Variants in SUN1 observed in about 807,000 individuals in gnomAD.
The protein encoded by SUN1 is Sad1 and UNC84 domain containing 1, also known as SUN domain-containing protein 1.
In SUN1, 61 loss-of-function variants were observed where a neutral mutation model predicts 103.2. The observed-to-expected ratio is 0.59, with a 90% confidence interval of 0.48 to 0.73. The LOEUF (loss-of-function observed/expected upper bound fraction) is 0.73. SUN1 is among the 30% of genes least tolerant of loss of function. The pLI is 0.00. For missense variants in SUN1, 1,052 were observed against 1,034.6 expected (o/e 1.02, Z -0.23); for synonymous variants, 490 against 425.7 (o/e 1.15, Z -1.86).
chr7:860,159 T>A lies in SUN1; in HGVS notation c.1556T>A (p.Leu519His). 1.2e-6 allele frequency: 2 copies of A among 1,614,178 alleles called. No individual in the cohort carries two copies. The highest frequency in any genetic ancestry group is 1.7e-6 in the Non-Finnish European group (2 of 1,180,028). ...GTGCAAGTCAGAGAAATGGTGAAAC[T>A]CCTGTTTTCCGAAGATCAGCAAGGC... ...VDVQVREMVK[L>H]LFSEDQQGGS... The change falls in exon 14 of 19, where the codon CTC becomes CAC. Residue 519 changes from leucine (L) to histidine (H), a missense_variant. Leu to His is a moderately conservative substitution (Grantham distance 99). Around this residue, in one of 2 missense-constraint regions of SUN1, gnomAD observed 846 missense variants for 774.5 expected, o/e 1.09. Transcript: ENST00000401592.
In SUN1 at chr7:851,430, G is replaced by A; in HGVS notation, c.705G>A (p.Gln235=). ...TGCGCAGGATCGGAGCTGTGGGCCAGGCTGTGTCCAGGACGGCGTGGTCGG... is the reference window on the plus strand; with the variant it reads ...TGCGCAGGATCGGAGCTGTGGGCCAAGCTGTGTCCAGGACGGCGTGGTCGG... ...QILRRIGAVG[Q]AVSRTAWSAL... is the part of the protein sequence containing the mutation. The change falls in exon 6 of 19, where the codon CAG becomes CAA. Residue 235 remains glutamine, a synonymous_variant. Transcript: ENST00000401592. The A allele has an allele frequency of 6.2e-7, 1 of 1,610,770 alleles. No homozygotes were observed. Among genetic ancestry groups the A allele is most frequent in the Non-Finnish European group, 8.5e-7 (1 of 1,178,580 alleles).
intron 15 of SUN1, among the ~76,000 whole-genome samples, chr7:865,659 C>T (rs1314147436): frequency 2.0e-5 from 3 of 152,140 alleles, no homozygotes; most frequent in Non-Finnish European, 2.9e-5. Context: ...TCTTGGGGAC[C>T]TCCAAACCAC....
At chr7:834,690 C>CACTT (rs1311767747) in intron 1 of SUN1, among the ~76,000 whole-genome samples, 2 of 152,230 alleles carry the variant, frequency 1.3e-5, no homozygotes, top group East Asian at 3.8e-4. Flanking sequence ...CTGTCTCCAT[C>CACTT]ACTACCCTTG....
intron 1 of SUN1, among the ~76,000 whole-genome samples, chr7:822,781 T>C (rs1787501289): frequency 6.6e-6 from 1 of 152,200 alleles, no homozygotes; most frequent in South Asian, 2.1e-4. Flanking sequence ...GCAGCTGACA[T>C]ACCTGTTCCG....
intron 2 of SUN1, among the ~76,000 whole-genome samples, chr7:839,886 G>A (rs1161137496): frequency 6.6e-6 from 1 of 152,184 alleles, no homozygotes; most frequent in African/African-American, 2.4e-5. Context: ...TTAAAAATCT[G>A]TGTGTTAACT....
chr7:831,618 T>A (rs916247178), upstream of SUN1, among the ~76,000 whole-genome samples: 1 of 152,228 alleles, frequency 6.6e-6, no homozygotes, highest in East Asian at 1.9e-4. Context: ...TCGATACTTG[T>A]AGGTGTAGTA....
upstream of SUN1, among the ~76,000 whole-genome samples, chr7:830,468 T>A (rs1440675329): frequency 6.6e-6 from 1 of 152,248 alleles, no homozygotes; most frequent in Non-Finnish European, 1.5e-5. Context: ...AGATTCCGCA[T>A]ATTTTGTACA....
chr7:822,986 C>T (rs1404635407), intron 1 of SUN1, among the ~76,000 whole-genome samples: 5 of 152,154 alleles, frequency 3.3e-5, no homozygotes, highest in Non-Finnish European at 5.9e-5. Context: ...CTGTGGCCAC[C>T]CGCGAATTCC....
intron 17 of SUN1, among the ~76,000 whole-genome samples, chr7:872,048 C>T (rs1425259515): frequency 2.0e-5 from 3 of 152,160 alleles, no homozygotes; most frequent in Non-Finnish European, 4.4e-5. Flanking sequence ...GCTCTCTTCC[C>T]AAAGTCGGTC....
rs777342139 is a variant in SUN1, at chr7:843,390, C to T, written c.528C>T (p.Ala176=). ...IQGNGDVGAA[A]ATAHNGFSCS... ...GAAACGGGGATGTGGGAGCCGCCGC[C>T]GCCACCGCGCACAACGGCTTCTCCT... Residue 176 remains alanine, a synonymous_variant, in exon 5 of 19, where the codon GCC becomes GCT. Transcript: ENST00000401592. 38 of 1,610,312 alleles carry T rather than the reference C, an allele frequency of 2.4e-5. No homozygotes were observed. The highest frequency in any genetic ancestry group is 1.6e-4 in the Middle Eastern group (1 of 6,076).
chr7:842,076 C>A lies in SUN1; in HGVS notation c.397C>A (p.Pro133Thr). Reference protein sequence around the residue: ...SLQDAVTRRPPVLDESWIREQ... With the variant: ...SLQDAVTRRPTVLDESWIREQ... ...GCAGGATGCTGTGACTCGACGGCCT[C>A]CTGTATTGGACGAGTCTTGGATTCG... The change falls in exon 3 of 19, where the codon CCT becomes ACT. Residue 133 changes from proline (P) to threonine (T), a missense_variant. Pro to Thr is a conservative substitution (Grantham distance 38, BLOSUM62 -1). Coordinates refer to ENST00000401592, the MANE Select transcript of SUN1 (RefSeq NM_001130965.3). The A allele has an allele frequency of 6.2e-7, 1 of 1,614,220 alleles. No homozygotes were observed. The highest frequency in any genetic ancestry group is 8.5e-7 in the Non-Finnish European group (1 of 1,180,054).
At chr7:836,306 G>A (rs1255474890) in intron 1 of SUN1, among the ~76,000 whole-genome samples, 2 of 152,184 alleles carry the variant, frequency 1.3e-5, no homozygotes, top group South Asian at 2.1e-4. Flanking sequence ...CTTTTCCATC[G>A]CAGCAGGCAG....
Position 869,399 on chromosome 7 carries a change from C to T in SUN1, c.2031C>T (p.Tyr677=). The change falls in exon 17 of 19, where the codon TAC becomes TAT. Residue 677 remains tyrosine, a synonymous_variant. Coordinates refer to ENST00000401592, the MANE Select transcript of SUN1 (RefSeq NM_001130965.3). ...NCWAFKGSQG[Y]LVVRLSMMIH... is the part of the protein sequence containing the mutation. The stretch of plus-strand genomic sequence containing the variant: ...GGGCATTTAAAGGCTCCCAGGGGTA[C>T]CTGGTGGTGAGGCTCTCCATGATGA... The T allele has an allele frequency of 6.2e-7, 1 of 1,613,884 alleles. No individual in the cohort carries two copies. Among genetic ancestry groups the T allele is most frequent in the South Asian group, 1.1e-5 (1 of 91,068 alleles).
At chr7:834,666 T>C (rs768459001) in intron 1 of SUN1, among the ~76,000 whole-genome samples, 1 of 152,230 alleles carries the variant, frequency 6.6e-6, no homozygotes, top group Non-Finnish European at 1.5e-5. Context: ...GGAGCGGCCG[T>C]TCCTGATGGC....
intron 1 of SUN1, chr7:816,715 G>T (rs1402579706): frequency 6.7e-6 from 1 of 149,674 alleles, no homozygotes; most frequent in Non-Finnish European, 1.5e-5. Context: ...CCCGGGGCGG[G>T]CGCCGGGCTG....
At chr7:821,779 T>C (rs1033582311) in intron 1 of SUN1, among the ~76,000 whole-genome samples, 2 of 152,156 alleles carry the variant, frequency 1.3e-5, no homozygotes, top group Non-Finnish European at 1.5e-5. Flanking sequence ...TAACGCCCAC[T>C]GGTGATTCCA....
In SUN1 at chr7:860,238, C is replaced by T. The variant is rs761890504; in HGVS notation, c.1635C>T (p.Gly545=). 10 of 1,614,094 alleles carry T rather than the reference C, an allele frequency of 6.2e-6. No homozygotes were observed. Among genetic ancestry groups the T allele is most frequent in the East Asian group, 2.2e-5 (1 of 44,898 alleles). The change falls in exon 14 of 19, where the codon GGC becomes GGT. Residue 545 remains glycine (G), a synonymous_variant. Coordinates refer to ENST00000401592, the MANE Select transcript of SUN1 (RefSeq NM_001130965.3). ...QRFSSQFVSK[G]DLQTMLRDLQ... ...TCTCATCACAGTTTGTGAGCAAAGG[C>T]GACTTGCAGACGATGCTGCGAGACC...
rs374140102 is a variant in SUN1 at position 860,348 on chromosome 7, T to C, written c.1745T>C (p.Val582Ala). Residue 582 changes from valine to alanine, a missense_variant, in exon 14 of 19, where the codon GTG (valine) becomes GCG (alanine). By Grantham distance (64) the Val-to-Ala change is moderately conservative. This residue lies in a region of SUN1 where 846 missense variants were observed against 774.5 expected (regional missense o/e 1.09). Coordinates refer to ENST00000401592, the MANE Select transcript of SUN1 (RefSeq NM_001130965.3). The stretch of plus-strand genomic sequence containing the variant: ...ACCTCAGAAGCCGTGGTGTCTGCTG[T>C]GAGCGAGGCGGGGGCGTCTGGAATA... ...LPTSEAVVSA[V>A]SEAGASGITE... 2.5e-6 allele frequency: 4 copies of C among 1,614,000 alleles called. No individual in the cohort carries two copies. Among genetic ancestry groups the C allele is most frequent in the African/African-American group, 2.7e-5 (2 of 74,938 alleles).
intron 2 of SUN1, among the ~76,000 whole-genome samples, chr7:841,531 C>T (rs1469281708): frequency 2.0e-5 from 3 of 152,140 alleles, no homozygotes; most frequent in African/African-American, 2.4e-5. Context: ...TGAGAGCCAC[C>T]GCGCCTGGCC....
Sources: allele counts gnomAD v4.1 joint callset (sites outside exome capture counted in the v4.1 genomes callset), GRCh38; gene constraint gnomAD v4.1.1; regional missense constraint gnomAD v4.1.1; transcripts MANE v1.5; gene names NCBI Gene and HGNC (gene_info 2026-07-23, HGNC 2026-07-21).